PIEZO2: variants seen among roughly 807,000 people sequenced by gnomAD.
PIEZO2 encodes piezo-type mechanosensitive ion channel component 2.
Under a neutral mutation model 337.3 loss-of-function variants are expected in PIEZO2, and 172 were observed. That is an observed-to-expected ratio of 0.51 (90% CI 0.45 to 0.58). The LOEUF is 0.58. PIEZO2 is among the 20% of genes least tolerant of loss of function. The probability of loss-of-function intolerance (pLI) is 0.00; values close to 1 mark genes in which losing one functional copy is unlikely to be tolerated. For missense variants in PIEZO2, 3,028 were observed against 3,391.3 expected, an observed-to-expected ratio of 0.89 and a Z score of 2.66; for synonymous variants, 1,251 against 1,228.5, an observed-to-expected ratio of 1.02 and a Z score of -0.38.
At chr18:10,838,751 A>G (rs2041098436) in intron 7 of PIEZO2, among the ~76,000 whole-genome samples, 1 of 152,162 alleles carries the variant, frequency 6.6e-6, no homozygotes, top group Non-Finnish European at 1.5e-5. Context: ...CCCATGCTTG[A>G]ACACACTGTC....
At chr18:10,956,830 G>A (rs545174587) in intron 3 of PIEZO2, among the ~76,000 whole-genome samples, 220 of 151,858 alleles carry the variant, frequency 1.4e-3, no homozygotes, top group African/African-American at 5.1e-3. Context: ...TTAGCCAGGC[G>A]TGGTGGTGCG....
At position 10,894,280 on chromosome 18, in the gene PIEZO2, C is replaced by G. The variant is rs2042834599; in HGVS notation, c.329+16906G>C. Among the ~76,000 whole-genome samples, 1 of 151,744 alleles carries G rather than the reference C, an allele frequency of 6.6e-6. No individual in the cohort carries two copies. The highest frequency in any genetic ancestry group is 1.9e-4 in the East Asian group (1 of 5,158). ...CAGCCTGGCCAACATGGAGAAATCCCCTCTGTACTAAAAATACAAAAAAAA... is the reference window on the plus strand; with the variant it reads ...CAGCCTGGCCAACATGGAGAAATCCGCTCTGTACTAAAAATACAAAAAAAA... On this transcript the variant is annotated intron_variant, in intron 4 of 55. Transcript: ENST00000674853. This position sits in a 1 kb window ranked among gnomAD's most constrained non-coding sequence, Gnocchi z 4.1.
intron 42 of PIEZO2, among the ~76,000 whole-genome samples, chr18:10,703,630 C>A (rs1406004224): frequency 6.6e-6 from 1 of 152,100 alleles, no homozygotes; most frequent in Non-Finnish European, 1.5e-5. Flanking sequence ...TCTTCACAAA[C>A]CTGAGAGCAC....
rs2035595378 is a variant in PIEZO2, at chr18:11,002,956, TCAAA to T, written c.161-23300_161-23297del. 6.6e-6 allele frequency among the ~76,000 whole-genome samples: 1 copy of T among 152,340 alleles called. No homozygotes were observed. Among genetic ancestry groups the T allele is most frequent in the East Asian group, 1.9e-4 (1 of 5,178 alleles). On this transcript the variant is annotated intron_variant, in intron 2 of 55. Coordinates refer to ENST00000674853, the MANE Select transcript of PIEZO2 (RefSeq NM_001378183.1). The surrounding 1 kb of genome is among the most constrained non-coding windows in gnomAD (Gnocchi z 4.3). ...GAATCAGTTGATTAACCAGTGCCACTCAAACAGAGGAAGTGAGGCAAGAGGCGCT... is the reference window on the plus strand; with the variant it reads ...GAATCAGTTGATTAACCAGTGCCACTCAGAGGAAGTGAGGCAAGAGGCGCT...
intron 3 of PIEZO2, among the ~76,000 whole-genome samples, chr18:10,934,913 A>G (rs2032298600): frequency 6.6e-6 from 1 of 152,148 alleles, no homozygotes; most frequent in South Asian, 2.1e-4. Context: ...GACTATTACT[A>G]TATCCACCTT....
At chr18:11,093,550 T>TGACATCCAGTCCATTCACTCAACATCTTG (rs1162982136) in intron 1 of PIEZO2, among the ~76,000 whole-genome samples, 1 of 151,478 alleles carries the variant, frequency 6.6e-6, no homozygotes, top group Non-Finnish European at 1.5e-5. Flanking sequence ...GATTTCTCCT[T>TGACATCCAGTCCATTCACTCAACATCTTG]GACATCCAGT....
At chr18:10,995,779 T>G (rs2035298974) in intron 2 of PIEZO2, among the ~76,000 whole-genome samples, 2 of 152,234 alleles carry the variant, frequency 1.3e-5, no homozygotes, top group South Asian at 2.1e-4. Flanking sequence ...GGCTGTGGAG[T>G]TGCTGCCATG....
rs139069989 is a variant in PIEZO2, at chr18:10,852,823, A to T, written c.917+2530T>A. Reference sequence around the variant, plus strand: ...CTGTTACAGAGGTAAGTGGTCAGGCATGAGTGGGGCAGGAGAGGGCACCCC... The same window carrying T: ...CTGTTACAGAGGTAAGTGGTCAGGCTTGAGTGGGGCAGGAGAGGGCACCCC... On this transcript the variant is annotated intron_variant, in intron 7 of 55. Coordinates refer to ENST00000674853, the MANE Select transcript of PIEZO2 (RefSeq NM_001378183.1). Among the ~76,000 whole-genome samples, 78 of 152,300 alleles carry T rather than the reference A, an allele frequency of 5.1e-4. 1 individual carries two copies. The East Asian group carries it at 0.014, about 27-fold the overall frequency.
intron 44 of PIEZO2, among the ~76,000 whole-genome samples, chr18:10,698,658 G>A (rs930346594): frequency 6.6e-6 from 1 of 152,172 alleles, no homozygotes; most frequent in Non-Finnish European, 1.5e-5. Flanking sequence ...GCGTTTATTA[G>A]GTACAAGGCA....
At chr18:10,684,262 T>C (rs1322923882) in intron 49 of PIEZO2, among the ~76,000 whole-genome samples, 2 of 134,154 alleles carry the variant, frequency 1.5e-5, no homozygotes, top group Admixed American at 8.0e-5. Context: ...ACCTCCTGGG[T>C]TCACGCCATT....
Position 11,003,150 on chromosome 18 carries a change from G to T in PIEZO2, c.161-23490C>A, listed in dbSNP as rs918780442. ...AGGCAGGATGGCACTTGGAGTCTGG[G>T]TGATGCAGTGAGGTTCCAGGACGTG... On this transcript the variant is annotated intron_variant, in intron 2 of 55. Transcript: ENST00000674853. The surrounding 1 kb of genome is among the most constrained non-coding windows in gnomAD (Gnocchi z 4.6). Among the ~76,000 whole-genome samples, 2 of 152,216 alleles carry T rather than the reference G, an allele frequency of 1.3e-5. No homozygotes were observed. The highest frequency in any genetic ancestry group is 4.8e-5 in the African/African-American group (2 of 41,454).
In PIEZO2 at chr18:10,781,766, C is replaced by T. The variant is rs2038991496; in HGVS notation, c.2493-1400G>A. Among the ~76,000 whole-genome samples the T allele has an allele frequency of 6.6e-6, 1 of 152,116 alleles. No individual in the cohort carries two copies. ...ACATCTGTGTGCATAAGCACATATA[C>T]ACCAACAAGTGACACAACAGGAAAA... On this transcript the variant is annotated intron_variant, in intron 17 of 55. Transcript: ENST00000674853. This position sits in a 1 kb window ranked among gnomAD's most constrained non-coding sequence, Gnocchi z 4.1.
At chr18:10,941,349 C>T (rs1316666129) in intron 3 of PIEZO2, among the ~76,000 whole-genome samples, 15 of 152,110 alleles carry the variant, frequency 9.9e-5, no homozygotes, top group Admixed American at 9.8e-4. Flanking sequence ...GATTATCAAT[C>T]CCCGCTTACA....
At chr18:10,935,771 T>C (rs2032356598) in intron 3 of PIEZO2, among the ~76,000 whole-genome samples, 1 of 152,108 alleles carries the variant, frequency 6.6e-6, no homozygotes, top group Admixed American at 6.5e-5. Context: ...CTCCACCTTC[T>C]CTCATCTGCA....
intron 3 of PIEZO2, among the ~76,000 whole-genome samples, chr18:10,920,317 A>G (rs1329557199): frequency 6.6e-6 from 1 of 152,194 alleles, no homozygotes; most frequent in East Asian, 1.9e-4. Flanking sequence ...GAAAGAAGCC[A>G]ACCCCCACAG....
At chr18:11,061,874 C>G (rs1368953899) in intron 2 of PIEZO2, among the ~76,000 whole-genome samples, 2 of 152,116 alleles carry the variant, frequency 1.3e-5, no homozygotes, top group Non-Finnish European at 2.9e-5. Context: ...CATCAAGCTA[C>G]CAATGACTTT....
In PIEZO2 at chr18:10,750,666, C is replaced by G. The variant is rs1467515304; in HGVS notation, c.4168-479G>C. On this transcript the variant is annotated intron_variant, in intron 28 of 55. Coordinates refer to ENST00000674853, the MANE Select transcript of PIEZO2 (RefSeq NM_001378183.1). This position sits in a 1 kb window ranked among gnomAD's most constrained non-coding sequence, Gnocchi z 4.1. Reference sequence around the variant, plus strand: ...TTTTGAGTCTTGTTTGACCAATTCTCTCGGTAAAGGAGTATTTTTTGTAGA... The same window carrying G: ...TTTTGAGTCTTGTTTGACCAATTCTGTCGGTAAAGGAGTATTTTTTGTAGA... Among the ~76,000 whole-genome samples, 1 of 152,130 alleles carries G rather than the reference C, an allele frequency of 6.6e-6. No individual in the cohort carries two copies. The highest frequency in any genetic ancestry group is 1.5e-5 in the Non-Finnish European group (1 of 68,040).
chr18:10,802,647 T>C (rs1171810423), intron 9 of PIEZO2, among the ~76,000 whole-genome samples: 4 of 152,162 alleles, frequency 2.6e-5, no homozygotes, highest in African/African-American at 4.8e-5. Flanking sequence ...AAAATCTGGC[T>C]TCACATAGGT....
chr18:10,691,782 C>CACACACATATATATATATATATATATAT, intron 47 of PIEZO2, among the ~76,000 whole-genome samples: 2 of 96,642 alleles, frequency 2.1e-5, no homozygotes, highest in African/African-American at 9.3e-5. Flanking sequence ...CACACACACA[C>CACACACATATATATATATATATATATAT]ATATATATAT....
Sources: allele counts gnomAD v4.1 joint callset (sites outside exome capture counted in the v4.1 genomes callset), GRCh38; gene constraint gnomAD v4.1.1; non-coding constraint Gnocchi (gnomAD v3.1); transcripts MANE v1.5; gene names NCBI Gene and HGNC (gene_info 2026-07-23, HGNC 2026-07-21).